CNTN4: variants seen among roughly 807,000 people sequenced by gnomAD.
The protein encoded by CNTN4 is contactin 4.
A neutral mutation model predicts 122.5 loss-of-function variants in CNTN4; 77 were observed. The ratio of observed to expected loss-of-function variants is 0.63; its 90% confidence interval spans 0.52 to 0.76. The LOEUF (loss-of-function observed/expected upper bound fraction) is 0.76, where lower values mean the gene tolerates loss of function less well. Among genes scored for constraint, CNTN4 ranks in the 30% least tolerant of loss-of-function variants. The probability of loss-of-function intolerance (pLI) is 0.00; values close to 1 mark genes in which losing one functional copy is unlikely to be tolerated. For synonymous variants in CNTN4, 512 were observed against 447.0 expected (o/e 1.15, Z -1.83); for missense variants, 1,256 against 1,259.1 (o/e 1.00, Z 0.04).
At chr3:2,120,759 G>A (rs140959060) in intron 2 of CNTN4, among the ~76,000 whole-genome samples, 322 of 152,074 alleles carry the variant, frequency 2.1e-3, no homozygotes, top group Non-Finnish European at 3.4e-3. Flanking sequence ...TGCTAGCTAA[G>A]GCTGGCTCAT....
chr3:2,337,007 C>A (rs916429108), intron 2 of CNTN4, among the ~76,000 whole-genome samples: 2 of 151,962 alleles, frequency 1.3e-5, no homozygotes, highest in Non-Finnish European at 2.9e-5. Context: ...GGTTGAATCA[C>A]GTAGAACATA....
intron 14 of CNTN4, among the ~76,000 whole-genome samples, chr3:3,003,469 G>A (rs1379745124): frequency 6.6e-6 from 1 of 152,006 alleles, no homozygotes; most frequent in Non-Finnish European, 1.5e-5. Context: ...AAAATATGAT[G>A]CTAAGTGAAA....
At position 2,875,781 on chromosome 3, in the gene CNTN4, T is replaced by G. The variant is rs886429813; in HGVS notation, c.653-7364T>G. Among the ~76,000 whole-genome samples the G allele has an allele frequency of 3.3e-5, 5 of 152,190 alleles. No individual in the cohort carries two copies. In the East Asian group the frequency reaches 7.7e-4, roughly 23 times the overall value. On this transcript the variant is annotated intron_variant, in intron 8 of 24. Coordinates refer to ENST00000418658, the MANE Select transcript of CNTN4 (RefSeq NM_175607.3). ...ACCAACACGTACAGAGATAGAGTGT[T>G]TAGTTCAATACAACATGGATACATG...
intron 4 of CNTN4, among the ~76,000 whole-genome samples, chr3:2,649,554 G>GA (rs987690907): frequency 3.3e-5 from 5 of 152,210 alleles, no homozygotes; most frequent in East Asian, 1.9e-4. Context: ...CTACTGCTCA[G>GA]AAAAAAAGAT....
intron 13 of CNTN4, among the ~76,000 whole-genome samples, chr3:2,973,156 A>G (rs1385784154): frequency 6.6e-6 from 1 of 152,056 alleles, no homozygotes; most frequent in Non-Finnish European, 1.5e-5. Context: ...TTTGCTACCT[A>G]GGGAAGAAAA....
At chr3:2,352,790 T>G (rs1181256618) in intron 3 of CNTN4, among the ~76,000 whole-genome samples, 3 of 152,140 alleles carry the variant, frequency 2.0e-5, no homozygotes, top group Admixed American at 6.5e-5. Flanking sequence ...GCGGGACTGG[T>G]GGGCAGCAGG....
intron 3 of CNTN4, among the ~76,000 whole-genome samples, chr3:2,418,363 C>G (rs898783873): frequency 6.6e-6 from 1 of 152,140 alleles, no homozygotes. Flanking sequence ...AGAACAACCT[C>G]TTCAAAATAA....
intron 2 of CNTN4, among the ~76,000 whole-genome samples, chr3:2,119,759 A>G (rs1047032331): frequency 6.6e-6 from 1 of 150,776 alleles, no homozygotes; most frequent in African/African-American, 2.5e-5. Context: ...AAGCCGTAGG[A>G]CCAAGCTAGA....
At chr3:2,560,967 C>G (rs75280269) in intron 3 of CNTN4, among the ~76,000 whole-genome samples, 1 of 152,120 alleles carries the variant, frequency 6.6e-6, no homozygotes, top group Non-Finnish European at 1.5e-5. Context: ...ATTAAGCAGA[C>G]ATAGACTCCC....
chr3:2,896,741 T>C (rs1055377318), intron 10 of CNTN4, among the ~76,000 whole-genome samples: 2 of 152,144 alleles, frequency 1.3e-5, no homozygotes, highest in Admixed American at 1.3e-4. Flanking sequence ...AGCATCTATG[T>C]ATATAGGTGG....
At chr3:2,440,290 C>T (rs150465483) in intron 3 of CNTN4, among the ~76,000 whole-genome samples, 243 of 152,190 alleles carry the variant, frequency 1.6e-3, no homozygotes, top group Non-Finnish European at 2.4e-3. Context: ...AGTTTCATAC[C>T]GGCAAAGGTA....
chr3:3,030,960 G>C lies in CNTN4; in HGVS notation c.1768G>C (p.Asp590His). Reference protein sequence around the residue: ...TSVDRLSAAADLIVRGPPGPP... With the variant: ...TSVDRLSAAAHLIVRGPPGPP... Reference sequence around the variant, plus strand: ...TGTGGACAGGCTATCTGCTGCTGCAGACCTGATTGTAAGAGGTACTGGATT... The same window carrying C: ...TGTGGACAGGCTATCTGCTGCTGCACACCTGATTGTAAGAGGTACTGGATT... The change falls in exon 16 of 25, where the codon GAC becomes CAC. Residue 590 changes from aspartate to histidine, a missense_variant. Transcript: ENST00000418658. 1.2e-6 allele frequency: 2 copies of C among 1,614,050 alleles called. No homozygotes were observed. The highest frequency in any genetic ancestry group is 1.7e-6 in the Non-Finnish European group (2 of 1,179,936).
intron 2 of CNTN4, among the ~76,000 whole-genome samples, chr3:2,136,836 A>G (rs1449482994): frequency 1.3e-5 from 2 of 152,232 alleles, no homozygotes; most frequent in Non-Finnish European, 2.9e-5. Context: ...GTCGTTAATT[A>G]TAATGTCTGT....
At chr3:2,450,556 C>T (rs2048792498) in intron 3 of CNTN4, among the ~76,000 whole-genome samples, 1 of 151,916 alleles carries the variant, frequency 6.6e-6, no homozygotes, top group Non-Finnish European at 1.5e-5. Context: ...AGCTATTTGG[C>T]AGTGGGATTC....
chr3:2,909,424 C>CT lies in CNTN4; in HGVS notation c.1207+6431dup, dbSNP rs60307955. Among the ~76,000 whole-genome samples, 241 of 143,110 alleles carry CT rather than the reference C, an allele frequency of 1.7e-3. 1 individual carries two copies. The South Asian group carries it at 0.018, about 10-fold the overall frequency. 93.9% of individuals were successfully genotyped at this position (143,110 alleles called of 152,430 possible). A position where few individuals can be genotyped will look rare whatever the true frequency, so the allele number is the denominator to read the frequency against. On this transcript the variant is annotated intron_variant, in intron 12 of 24. Coordinates refer to ENST00000418658, the MANE Select transcript of CNTN4 (RefSeq NM_175607.3). ...TTATAACAATATAAGAAGGTTTGGG[C>CT]TTTTTTTTTTTTCTCTTAGTATCCA...
chr3:2,563,110 C>T (rs982598471), intron 3 of CNTN4, among the ~76,000 whole-genome samples: 3 of 151,304 alleles, frequency 2.0e-5, no homozygotes, highest in Admixed American at 2.0e-4. Flanking sequence ...TTTAAGAAAT[C>T]TCCAAACTGC....
intron 4 of CNTN4, among the ~76,000 whole-genome samples, chr3:2,686,663 CTG>C (rs771971088): frequency 3.3e-5 from 5 of 152,086 alleles, no homozygotes; most frequent in Non-Finnish European, 7.4e-5. Context: ...GTCTGTGTGT[CTG>C]TGTGTGTTAC....
intron 7 of CNTN4, among the ~76,000 whole-genome samples, chr3:2,829,213 A>G (rs2093050579): frequency 1.3e-5 from 2 of 152,182 alleles, no homozygotes; most frequent in South Asian, 4.1e-4. Flanking sequence ...TAATCAGCAT[A>G]GAATAATGTA....
intron 2 of CNTN4, among the ~76,000 whole-genome samples, chr3:2,114,098 G>T (rs764971361): frequency 6.6e-6 from 1 of 152,132 alleles, no homozygotes; most frequent in African/African-American, 2.4e-5. Context: ...TGATGGGAAA[G>T]AATTGATAAG....
Sources: gnomAD v4.1 joint callset for allele counts (sites outside exome capture counted in the v4.1 genomes callset) on GRCh38, gnomAD v4.1.1 for gene constraint, MANE v1.5 for transcripts, NCBI Gene and HGNC (gene_info 2026-07-23, HGNC 2026-07-21) for gene names.